LRMDA: variants seen among roughly 807,000 people sequenced by gnomAD.
LRMDA encodes the protein leucine rich melanocyte differentiation associated.
Under a neutral mutation model 29.8 loss-of-function variants are expected in LRMDA, and 18 were observed. That is an observed-to-expected ratio of 0.60 (90% CI 0.42 to 0.90). LRMDA has a LOEUF of 0.90. LRMDA is among the 40% of genes least tolerant of loss of function. LRMDA has a pLI of 0.00. For missense variants in LRMDA, 273 were observed against 273.9 expected (o/e 1.00, Z 0.02); for synonymous variants, 125 against 109.4 (o/e 1.14, Z -0.89).
chr10:75,854,031 G>A (rs1436419959), intron 2 of LRMDA, among the ~76,000 whole-genome samples: 1 of 152,160 alleles, frequency 6.6e-6, no homozygotes, highest in African/African-American at 2.4e-5. Flanking sequence ...CTGATATTGT[G>A]TGTCTCTGTT....
chr10:75,634,069 C>T (rs1841360550), intron 2 of LRMDA, among the ~76,000 whole-genome samples: 1 of 152,128 alleles, frequency 6.6e-6, no homozygotes, highest in Non-Finnish European at 1.5e-5. Flanking sequence ...AAGGAGAAAA[C>T]CAAATTATCT....
intron 5 of LRMDA, among the ~76,000 whole-genome samples, chr10:76,277,025 G>A (rs1840143957): frequency 6.6e-6 from 1 of 152,188 alleles, no homozygotes; most frequent in African/African-American, 2.4e-5. Context: ...ACAGCTCAGA[G>A]ATGAGCTGGG....
intron 5 of LRMDA, among the ~76,000 whole-genome samples, chr10:76,213,016 G>T (rs1287420256): frequency 6.6e-5 from 10 of 152,172 alleles, no homozygotes; most frequent in Non-Finnish European, 1.2e-4. Flanking sequence ...GGAGAAGATG[G>T]ATCACCATTT....
At chr10:75,549,192 A>G (rs1301875564) in intron 2 of LRMDA, among the ~76,000 whole-genome samples, 1 of 152,130 alleles carries the variant, frequency 6.6e-6, no homozygotes, top group East Asian at 1.9e-4. Flanking sequence ...GTGTGAATGT[A>G]TCAGAATTCT....
chr10:75,523,644 G>T (rs1845385481), intron 2 of LRMDA, among the ~76,000 whole-genome samples: 1 of 152,254 alleles, frequency 6.6e-6, no homozygotes, highest in East Asian at 1.9e-4. Flanking sequence ...AACGAAAGAG[G>T]GAGCTATAAT....
chr10:76,385,754 C>T (rs1841651857), intron 6 of LRMDA, among the ~76,000 whole-genome samples: 1 of 152,178 alleles, frequency 6.6e-6, no homozygotes, highest in Non-Finnish European at 1.5e-5. Flanking sequence ...CTCTCTATAG[C>T]ACTCAGGTGC....
At chr10:75,514,164 G>GT (rs3041614) in intron 2 of LRMDA, among the ~76,000 whole-genome samples, 27,959 of 138,596 alleles carry the variant, frequency 0.2, 2,740 homozygotes, top group Middle Eastern at 0.22. Context: ...TCCTTTACCT[G>GT]TTTTTTTTTT....
intron 2 of LRMDA, among the ~76,000 whole-genome samples, chr10:76,012,046 G>GCA (rs1847792086): frequency 6.6e-6 from 1 of 152,184 alleles, no homozygotes; most frequent in African/African-American, 2.4e-5. Flanking sequence ...TAGGGTTAGG[G>GCA]GCAGGGTCTG....
intron 2 of LRMDA, among the ~76,000 whole-genome samples, chr10:75,986,420 G>A (rs1847263200): frequency 6.6e-6 from 1 of 152,226 alleles, no homozygotes; most frequent in African/African-American, 2.4e-5. Flanking sequence ...AAAAGATGTT[G>A]TACCTTCTTT....
intron 2 of LRMDA, among the ~76,000 whole-genome samples, chr10:75,578,415 G>A (rs1406629520): frequency 6.6e-6 from 1 of 151,816 alleles, no homozygotes; most frequent in South Asian, 2.1e-4. Context: ...AGTTCTTAGA[G>A]ACCTACAAAG....
At chr10:76,180,321 T>C (rs1035968630) in intron 5 of LRMDA, among the ~76,000 whole-genome samples, 4 of 136,108 alleles carry the variant, frequency 2.9e-5, no homozygotes, top group African/African-American at 1.1e-4. Flanking sequence ...AGTCTCACAC[T>C]GTCACCCCGG....
intron 2 of LRMDA, among the ~76,000 whole-genome samples, chr10:75,486,401 A>C (rs1045081724): frequency 3.3e-5 from 5 of 152,150 alleles, no homozygotes; most frequent in Non-Finnish European, 7.3e-5. Context: ...CCCAGTGCTT[A>C]CAGAGGCATT....
At chr10:76,255,133 A>T (rs1192424728) in intron 5 of LRMDA, among the ~76,000 whole-genome samples, 1 of 152,210 alleles carries the variant, frequency 6.6e-6, no homozygotes, top group African/African-American at 2.4e-5. Context: ...TTAATTAGAA[A>T]GTGAGTCACC....
chr10:75,708,825 A>G (rs1842401896), intron 2 of LRMDA, among the ~76,000 whole-genome samples: 1 of 152,214 alleles, frequency 6.6e-6, no homozygotes, highest in Non-Finnish European at 1.5e-5. Context: ...TTCCCATAGC[A>G]GCAGCTCTCA....
intron 2 of LRMDA, among the ~76,000 whole-genome samples, chr10:75,780,178 A>C (rs1843363903): frequency 6.6e-6 from 1 of 152,338 alleles, no homozygotes; most frequent in African/African-American, 2.4e-5. Context: ...CCTTGTACCC[A>C]TAAAAGTGAA....
rs56145957 is a variant in LRMDA at position 76,091,276 on chromosome 10, C to CGTGTGTGTGTGTGTGT, written c.516+32520_516+32535dup. 4.1e-5 allele frequency among the ~76,000 whole-genome samples: 6 copies of CGTGTGTGTGTGTGTGT among 146,908 alleles called. No individual in the cohort carries two copies. In the South Asian group the frequency reaches 1.4e-3, roughly 33 times the overall value. ...GTTCTCCTGAAATAAACATGGTGGA[C>CGTGTGTGTGTGTGTGT]GTGTGTGTGTGTGTGTGTGTGTGTG... On this transcript the variant is annotated intron_variant, in intron 5 of 6. Transcript: ENST00000611255.
chr10:76,012,746 G>A (rs1181676570), intron 2 of LRMDA, among the ~76,000 whole-genome samples: 1 of 152,152 alleles, frequency 6.6e-6, no homozygotes, highest in African/African-American at 2.4e-5. Flanking sequence ...CCTTCCTTGG[G>A]CACCAGAAGA....
chr10:76,465,829 C>A (rs10762725), intron 6 of LRMDA, among the ~76,000 whole-genome samples: 2 of 151,746 alleles, frequency 1.3e-5, no homozygotes, highest in African/African-American at 4.8e-5. Context: ...CTCTCCCCTC[C>A]CCTTGTAGGT....
chr10:75,853,186 T>C (rs192437015), intron 2 of LRMDA, among the ~76,000 whole-genome samples: 1 of 152,236 alleles, frequency 6.6e-6, no homozygotes, highest in Non-Finnish European at 1.5e-5. Flanking sequence ...AGCCAAACCA[T>C]ATCAGAAGTG....
Sources: gnomAD v4.1 joint callset for allele counts (sites outside exome capture counted in the v4.1 genomes callset) on GRCh38, gnomAD v4.1.1 for gene constraint, MANE v1.5 for transcripts, NCBI Gene and HGNC (gene_info 2026-07-23, HGNC 2026-07-21) for gene names.